DOCK6: variants seen among roughly 807,000 people sequenced by gnomAD.
DOCK6 encodes dedicator of cytokinesis 6, also known as dedicator of cytokinesis protein 6.
DOCK6 carries 167 observed loss-of-function variants against 230.3 expected under a neutral mutation model. The ratio of observed to expected loss-of-function variants is 0.73; its 90% CI spans 0.64 to 0.82. The LOEUF (loss-of-function observed/expected upper bound fraction) is 0.82. Among genes scored for constraint, DOCK6 ranks in the 40% least tolerant of loss-of-function variants. The pLI is 0.00. For synonymous variants in DOCK6, 1,148 were observed against 1,185.0 expected, an observed-to-expected ratio of 0.97 and a Z score of 0.64; for missense variants, 2,598 against 2,825.8, an observed-to-expected ratio of 0.92 and a Z score of 1.83.
In DOCK6 at chr19:11,212,022, C is replaced by T. The variant is rs755005212; in HGVS notation, c.4621G>A (p.Gly1541Arg). The change falls in exon 36 of 48, where the codon GGG (glycine) becomes AGG (arginine). Residue 1541 changes from glycine to arginine, a missense_variant. Coordinates refer to ENST00000294618, the MANE Select transcript of DOCK6 (RefSeq NM_020812.4). Reference protein sequence around the residue: ...TILTYAEEDMGLRDSTFAEQV... With the variant: ...TILTYAEEDMRLRDSTFAEQV... ...TCTGCGAAGGTGCTGTCCCGCAGCCCCATGTCCTCCTCAGCATAGGTGAGG... is the reference window on the plus strand; with the variant it reads ...TCTGCGAAGGTGCTGTCCCGCAGCCTCATGTCCTCCTCAGCATAGGTGAGG... The T allele has an allele frequency of 6.2e-7, 1 of 1,608,774 alleles. No individual in the cohort carries two copies. The highest frequency in any genetic ancestry group is 1.7e-5 in the Admixed American group (1 of 59,274).
rs551713765 is a variant in DOCK6, at chr19:11,236,888, G to A, written c.2074-9C>T. The stretch of plus-strand genomic sequence containing the variant: ...ATGCCCGGAAGCGCCACCTGTGGGA[G>A]GGAGGCACCAGGTGGGCACTGGTCA... On this transcript the variant is annotated splice_polypyrimidine_tract_variant and intron_variant, in intron 18 of 47. Transcript: ENST00000294618. This position sits in a 1 kb window ranked among gnomAD's most constrained non-coding sequence, Gnocchi z 5.2. 1.9e-6 allele frequency: 3 copies of A among 1,550,760 alleles called. No homozygotes were observed. In the South Asian group the frequency reaches 3.6e-5, roughly 18 times the overall value.
Position 11,252,154 on chromosome 19 carries a change from C to G in DOCK6, c.472G>C (p.Ala158Pro), listed in dbSNP as rs1170586061. 6.3e-7 allele frequency: 1 copy of G among 1,587,932 alleles called. No homozygotes were observed. Among genetic ancestry groups the G allele is most frequent in the African/African-American group, 1.3e-5 (1 of 74,526 alleles). Residue 158 changes from alanine to proline, a missense_variant, in exon 5 of 48, where the codon GCT becomes CCT. Transcript: ENST00000294618. ...GGGCCGGACCTCTCGTCTCCAGAAG[C>G]ATCCTGCTCAAAGACCTGGCGGGGG... ...GLPRQVFEQDASGDERSGPED... is the reference protein window; with the variant it reads ...GLPRQVFEQDPSGDERSGPED...
At chr19:11,230,645 T>G (rs2079751094) in intron 22 of DOCK6, among the ~76,000 whole-genome samples, 1 of 149,182 alleles carries the variant, frequency 6.7e-6, no homozygotes, top group African/African-American at 2.5e-5. Context: ...GGAGGGTGAG[T>G]GTGGACAGAG....
chr19:11,210,107 C>T (rs1323348410), intron 37 of DOCK6, among the ~76,000 whole-genome samples: 1 of 146,944 alleles, frequency 6.8e-6, no homozygotes, highest in African/African-American at 2.5e-5. Flanking sequence ...CACCTGTCCA[C>T]CTCTCACCTG....
intron 13 of DOCK6, among the ~76,000 whole-genome samples, chr19:11,242,751 A>C (rs1174667681): frequency 1.3e-5 from 2 of 151,860 alleles, no homozygotes; most frequent in Admixed American, 1.3e-4. Context: ...AGCCTCCCAA[A>C]GTGTTGGCGT....
intron 1 of DOCK6, among the ~76,000 whole-genome samples, chr19:11,260,409 G>A (rs1182244670): frequency 3.3e-5 from 5 of 151,808 alleles, no homozygotes; most frequent in East Asian, 1.9e-4. Context: ...GTGAGATCCC[G>A]TTTCTACAAA....
chr19:11,239,877 G>A, intron 14 of DOCK6: 1 of 1,596,922 alleles, frequency 6.3e-7, no homozygotes, highest in Non-Finnish European at 8.5e-7. Context: ...TGGGGCAGGA[G>A]GTCAGCCGGG....
rs1441800208 is a variant in DOCK6 at position 11,242,269 on chromosome 19, T to G, written c.1481-62A>C. ...GCCTCCTGGCTCAGCCCACCCTTTC[T>G]GGGCTGTGTAGTCAGGGCAGACTCT... is the stretch of plus-strand genomic sequence containing the variant. On this transcript the variant is annotated intron_variant, in intron 13 of 47. Coordinates refer to ENST00000294618, the MANE Select transcript of DOCK6 (RefSeq NM_020812.4). 2.9e-6 allele frequency: 4 copies of G among 1,370,816 alleles called. No homozygotes were observed. The East Asian group carries it at 1.1e-4, about 38-fold the overall frequency. The allele number at this position is 1,370,816 out of a possible 1,614,324, so 84.9% of individuals were successfully genotyped here.
rs1599242970 is a variant in DOCK6 at position 11,229,090 on chromosome 19, C to T, written c.2719-55G>A. On this transcript the variant is annotated intron_variant, in intron 22 of 47. Coordinates refer to ENST00000294618, the MANE Select transcript of DOCK6 (RefSeq NM_020812.4). ...CGAGGTGCCACCCCTTCCCGTACCC[C>T]CTCTGGAGACATGCCAGGGGAAGAT... The T allele has an allele frequency of 1.8e-5, 27 of 1,534,776 alleles. No individual in the cohort carries two copies. In the African/African-American group the frequency reaches 2.0e-4, roughly 12 times the overall value.
At chr19:11,260,775 C>T (rs749400115) in intron 1 of DOCK6, among the ~76,000 whole-genome samples, 13 of 148,468 alleles carry the variant, frequency 8.8e-5, no homozygotes, top group African/African-American at 2.2e-4. Flanking sequence ...CCCAGCTACT[C>T]AGGAGGCTGA....
chr19:11,214,549 C>T lies in DOCK6; in HGVS notation c.4203+4G>A. On this transcript the variant is annotated splice_donor_region_variant and intron_variant, in intron 33 of 47. Transcript: ENST00000294618. ...CACAAGGCAGATGCTGGATCAAGCC[C>T]TACCTGCACGATGATCTCCAGTGTG... 3 of 1,613,920 alleles carry T rather than the reference C, an allele frequency of 1.9e-6. No individual in the cohort carries two copies. Among genetic ancestry groups the T allele is most frequent in the Non-Finnish European group, 2.5e-6 (3 of 1,179,874 alleles).
At chr19:11,235,457 G>T in intron 21 of DOCK6, 141 bp downstream of exon 21, 1 of 836,342 alleles carries the variant, frequency 1.2e-6, no homozygotes, top group Non-Finnish European at 1.8e-6. Flanking sequence ...CATCATGTTG[G>T]CCAAGTTGAT....
chr19:11,217,353 C>T lies in DOCK6; in HGVS notation c.3589G>A (p.Asp1197Asn), dbSNP rs371410977. ...GQRSRLASML[D>N]SDTEGEGDIA... ...TCCCCTTCGCCTTCTGTGTCTGAGT[C>T]AAGCATTGAGGCCAGTCTTGACCGC... The change falls in exon 29 of 48, where the codon GAC (aspartate) becomes AAC (asparagine). Residue 1197 changes from aspartate to asparagine, a missense_variant. Transcript: ENST00000294618. 3 of 1,613,452 alleles carry T rather than the reference C, an allele frequency of 1.9e-6. No individual in the cohort carries two copies. The highest frequency in any genetic ancestry group is 1.6e-4 in the Middle Eastern group (1 of 6,084).
intron 32 of DOCK6, 24 bp downstream of exon 32, chr19:11,215,363 A>G (rs755829197): frequency 6.2e-7 from 1 of 1,609,254 alleles, no homozygotes; most frequent in Non-Finnish European, 8.5e-7. Flanking sequence ...TGAACTCAGC[A>G]GACACCCTCC....
chr19:11,253,016 C>A, intron 2 of DOCK6, 58 bp from the exon 3 acceptor site: 2 of 1,524,594 alleles, frequency 1.3e-6, no homozygotes, highest in Non-Finnish European at 8.9e-7. Flanking sequence ...AGTGGGGGCA[C>A]GAGGCAGGGG....
chr19:11,241,324 G>A, intron 14 of DOCK6: 1 of 645,032 alleles, frequency 1.6e-6, no homozygotes, highest in South Asian at 1.8e-5. Flanking sequence ...TGGGGAAACT[G>A]AGGCCAAAGA....
chr19:11,249,991 G>A (rs961582945), intron 6 of DOCK6, among the ~76,000 whole-genome samples: 10 of 149,718 alleles, frequency 6.7e-5, no homozygotes, highest in Non-Finnish European at 1.5e-4. Flanking sequence ...AAGGTATATA[G>A]TAGGTGTCCA....
intron 39 of DOCK6, chr19:11,208,224 T>C (rs925246912): frequency 6.5e-6 from 1 of 154,030 alleles, no homozygotes; most frequent in African/African-American, 2.4e-5. Flanking sequence ...GCATCAAGGG[T>C]CTCATGGAGA....
chr19:11,243,153 C>CT lies in DOCK6; in HGVS notation c.1387-2dup. On this transcript the variant is annotated splice_acceptor_variant, in intron 12 of 47. Transcript: ENST00000294618. LOFTEE classifies it high-confidence loss of function. The surrounding 1 kb of genome is among the most constrained non-coding windows in gnomAD (Gnocchi z 6.3). Reference sequence around the variant, plus strand: ...CCTCGTCACTGAGTCGCTCAGCCTCCTACATGGGACCCACTCCCGTCAGCC... The same window carrying CT: ...CCTCGTCACTGAGTCGCTCAGCCTCCTTACATGGGACCCACTCCCGTCAGCC... 1 of 1,613,488 alleles carries CT rather than the reference C, an allele frequency of 6.2e-7. No individual in the cohort carries two copies. The highest frequency in any genetic ancestry group is 8.5e-7 in the Non-Finnish European group (1 of 1,179,466).
Sources: gnomAD v4.1 joint callset for allele counts (sites outside exome capture counted in the v4.1 genomes callset) on GRCh38, gnomAD v4.1.1 for gene constraint, Gnocchi (gnomAD v3.1) non-coding constraint, MANE v1.5 for transcripts, NCBI Gene and HGNC (gene_info 2026-07-23, HGNC 2026-07-21) for gene names.